The following MGAM variants were observed in gnomAD, a reference collection of about 807,000 sequenced individuals.
The protein encoded by MGAM is alpha-1,4-glucosidase.
MGAM carries 253 observed loss-of-function variants against 358.8 expected under a neutral mutation model. The ratio of observed to expected loss-of-function variants is 0.71; its 90% CI spans 0.64 to 0.78. The LOEUF (loss-of-function observed/expected upper bound fraction) is 0.78. Among genes scored for constraint, MGAM ranks in the 30% least tolerant of loss-of-function variants. The pLI is 0.00. For missense variants in MGAM, 3,080 were observed against 3,432.6 expected, an observed-to-expected ratio of 0.90 and a Z score of 2.57; for synonymous variants, 1,105 against 1,227.1, an observed-to-expected ratio of 0.90 and a Z score of 2.08.
Position 142,092,556 on chromosome 7 carries a change from A to G in MGAM, c.6981A>G (p.Ala2327=). 6.5e-7 allele frequency: 1 copy of G among 1,549,594 alleles called. No individual in the cohort carries two copies. The highest frequency in any genetic ancestry group is 8.9e-7 in the Non-Finnish European group (1 of 1,129,278). Residue 2327 remains alanine, a synonymous_variant, in exon 59 of 71, where the codon GCA becomes GCG. Coordinates refer to ENST00000475668, the MANE Select transcript of MGAM (RefSeq NM_001365693.1). The part of the protein sequence containing the change: ...MNEPSSFVNG[A]VSPGCRDASL... The stretch of plus-strand genomic sequence containing the variant: ...AACCATCAAGCTTCGTGAATGGGGC[A>G]GTTTCTCCAGGCTGCAGGGATGCCT...
chr7:142,031,579 C>A, intron 12 of MGAM, 101 bp from the exon 13 acceptor site: 3 of 740,604 alleles, frequency 4.1e-6, no homozygotes, highest in Non-Finnish European at 6.8e-6. Context: ...CTGGGTACCT[C>A]GGTTGCTGTG....
rs531614806 is a variant in MGAM, at chr7:142,087,305, T to G, written c.6810+588T>G. ...AAACTTGCTCTCTTCTGGGGATGGT[T>G]TGTTGCTTGTAATGGATCCAAGTAG... is the stretch of plus-strand genomic sequence containing the variant. On this transcript the variant is annotated intron_variant, in intron 57 of 70. Transcript: ENST00000475668. 1.2e-4 allele frequency among the ~76,000 whole-genome samples: 18 copies of G among 145,986 alleles called. 1 individual carries two copies. In the South Asian group the frequency reaches 3.9e-3, roughly 32 times the overall value.
chr7:142,022,457 C>T lies in MGAM; in HGVS notation c.882+18C>T. 8.1e-6 allele frequency: 13 copies of T among 1,606,994 alleles called. No homozygotes were observed. The highest frequency in any genetic ancestry group is 2.2e-5 in the East Asian group (1 of 44,800). On this transcript the variant is annotated intron_variant, in intron 7 of 70. Coordinates refer to ENST00000475668, the MANE Select transcript of MGAM (RefSeq NM_001365693.1). ...CCAATGGAGTAAGCTTTCAAATGGG[C>T]CCCTTTCCACTGAATATCATAGTCT...
chr7:142,059,704 G>A, intron 32 of MGAM, 104 bp downstream of exon 32: 1 of 1,581,332 alleles, frequency 6.3e-7, no homozygotes. Flanking sequence ...ATAAATTGAA[G>A]TGCAGTAAGA....
chr7:141,996,914 G>A (rs1804280465), intron 1 of MGAM, among the ~76,000 whole-genome samples: 1 of 152,048 alleles, frequency 6.6e-6, no homozygotes, highest in Admixed American at 6.5e-5. Context: ...GAGTAGAATG[G>A]GAGTGCTCGT....
chr7:142,063,677 G>T, intron 36 of MGAM, 91 bp downstream of exon 36: 1 of 1,398,124 alleles, frequency 7.2e-7, no homozygotes. Context: ...CCACAGCTGA[G>T]GGCACATCCT....
At chr7:142,052,231 C>T in intron 24 of MGAM, 63 bp from the exon 25 acceptor site, 1 of 1,396,194 alleles carries the variant, frequency 7.2e-7, no homozygotes, top group Non-Finnish European at 9.6e-7. Flanking sequence ...AAAAAAAAAC[C>T]TCAGGTCTTG....
intron 53 of MGAM, 71 bp from the exon 54 acceptor site, chr7:142,084,448 T>C: frequency 6.8e-7 from 1 of 1,464,110 alleles, no homozygotes. Flanking sequence ...AAAAATATTC[T>C]TATTACTTGA....
chr7:142,081,481 G>T (rs1814276363), intron 50 of MGAM, among the ~76,000 whole-genome samples: 1 of 145,448 alleles, frequency 6.9e-6, no homozygotes, highest in Admixed American at 7.0e-5. Context: ...GGAATAGGAA[G>T]TGGGTAGGCC....
At chr7:142,004,929 A>G (rs1179839974) in intron 1 of MGAM, among the ~76,000 whole-genome samples, 3 of 152,094 alleles carry the variant, frequency 2.0e-5, no homozygotes, top group Admixed American at 1.3e-4. Flanking sequence ...CTAAAAAATC[A>G]AACTTAAATC....
chr7:142,076,682 A>G lies in MGAM; in HGVS notation c.5349A>G (p.Ser1783=). ...AGAACCACTTGGAGGTGACTATTTCACAATCAACCTACAAGGACCCCAATA... is the reference window on the plus strand; with the variant it reads ...AGAACCACTTGGAGGTGACTATTTCGCAATCAACCTACAAGGACCCCAATA... ...VTQNHLEVTI[S]QSTYKDPNNL... is the part of the protein sequence containing the mutation. Residue 1783 remains serine, a synonymous_variant, in exon 47 of 71, where the codon TCA becomes TCG. Transcript: ENST00000475668. The G allele has an allele frequency of 1.3e-6, 2 of 1,549,498 alleles. No individual in the cohort carries two copies. Among genetic ancestry groups the G allele is most frequent in the Non-Finnish European group, 1.8e-6 (2 of 1,127,450 alleles).
At chr7:142,073,675 A>T (rs1813520088) in intron 44 of MGAM, among the ~76,000 whole-genome samples, 1 of 146,430 alleles carries the variant, frequency 6.8e-6, no homozygotes. Context: ...GTCCTTAGGC[A>T]GGCGAAAATG....
In MGAM at chr7:142,030,774, G is replaced by A. The variant is rs782674379; in HGVS notation, c.1470+17G>A. ...ATTGGGGAGGTAACTTAATGGGAAGGCTGGAGGCTGGTGGAGGGGCTGCAT... is the reference window on the plus strand; with the variant it reads ...ATTGGGGAGGTAACTTAATGGGAAGACTGGAGGCTGGTGGAGGGGCTGCAT... On this transcript the variant is annotated intron_variant, in intron 12 of 70. Transcript: ENST00000475668. 2 of 1,537,356 alleles carry A rather than the reference G, an allele frequency of 1.3e-6. No individual in the cohort carries two copies. The highest frequency in any genetic ancestry group is 1.4e-5 in the African/African-American group (1 of 73,114).
At position 142,067,381 on chromosome 7, in the gene MGAM, T is replaced by C; in HGVS notation, c.4960T>C (p.Phe1654Leu). 1 of 1,551,864 alleles carries C rather than the reference T, an allele frequency of 6.4e-7. No homozygotes were observed. The highest frequency in any genetic ancestry group is 8.9e-7 in the Non-Finnish European group (1 of 1,129,552). ...GGTGACATGGGACATAGACAGTCAG[T>C]TCCTGCTGGGCCCAGCCTTCCTGGT... ...DQVTWDIDSQ[F>L]LLGPAFLVSP... Residue 1654 changes from phenylalanine to leucine, a missense_variant, in exon 42 of 71, where the codon TTC becomes CTC. This residue lies in a region of MGAM where 4 missense variants were observed against 22.7 expected (regional missense o/e 0.18). Coordinates refer to ENST00000475668, the MANE Select transcript of MGAM (RefSeq NM_001365693.1).
At position 142,054,562 on chromosome 7, in the gene MGAM, C is replaced by T. The variant is rs1811303760; in HGVS notation, c.3160-192C>T. Among the ~76,000 whole-genome samples, 4 of 151,930 alleles carry T rather than the reference C, an allele frequency of 2.6e-5. No homozygotes were observed. The South Asian group carries it at 6.2e-4, about 24-fold the overall frequency. On this transcript the variant is annotated intron_variant, in intron 26 of 70. Coordinates refer to ENST00000475668, the MANE Select transcript of MGAM (RefSeq NM_001365693.1). ...TTGAGTTTATTAAGGTAATAGAGGC[C>T]TTAATAATGAGAAATCACAGAAAAA...
chr7:142,002,129 A>T (rs1403270883), intron 1 of MGAM, among the ~76,000 whole-genome samples: 1 of 152,166 alleles, frequency 6.6e-6, no homozygotes, highest in Non-Finnish European at 1.5e-5. Context: ...TAAGACACTA[A>T]TGAAATGTTT....
At chr7:142,099,217 G>A (rs1375640022) in intron 66 of MGAM, among the ~76,000 whole-genome samples, 1 of 152,180 alleles carries the variant, frequency 6.6e-6, no homozygotes, top group African/African-American at 2.4e-5. Flanking sequence ...ATATCAAAAG[G>A]CACAGGATAG....
chr7:142,082,403 T>C lies in MGAM; in HGVS notation c.6172-72T>C, dbSNP rs944745757. 1.2e-5 allele frequency: 16 copies of C among 1,314,950 alleles called. 2 individuals are homozygous for C. Among genetic ancestry groups the C allele is most frequent in the South Asian group, 3.8e-5 (3 of 79,212 alleles). The allele number at this position is 1,314,950 out of a possible 1,614,324, so 81.5% of individuals were successfully genotyped here. A position where few individuals can be genotyped will look rare whatever the true frequency, so the allele number is the denominator to read the frequency against. On this transcript the variant is annotated intron_variant, in intron 51 of 70. Transcript: ENST00000475668. ...AAAACTAGACCCATCTTAGCAAGCATATTTTTGTTGAGTTTCTTTCTCAGG... is the reference window on the plus strand; with the variant it reads ...AAAACTAGACCCATCTTAGCAAGCACATTTTTGTTGAGTTTCTTTCTCAGG...
At chr7:142,059,800 G>T in intron 32 of MGAM, 56 bp from the exon 33 acceptor site, 8 of 1,578,610 alleles carry the variant, frequency 5.1e-6, no homozygotes, top group Non-Finnish European at 6.9e-6. Flanking sequence ...CCTTCATTCT[G>T]TTTCTCCTCA....
Sources: allele counts gnomAD v4.1 joint callset (sites outside exome capture counted in the v4.1 genomes callset), GRCh38; gene constraint gnomAD v4.1.1; regional missense constraint gnomAD v4.1.1; transcripts MANE v1.5; gene names NCBI Gene and HGNC (gene_info 2026-07-23, HGNC 2026-07-21).